Variants in DENND3 observed in about 807,000 individuals in gnomAD.
DENND3 encodes the protein DENN domain containing 3.
In DENND3, 88 loss-of-function variants were observed where a neutral mutation model predicts 135.1. The observed-to-expected ratio is 0.65, with a 90% CI of 0.55 to 0.78. The LOEUF (loss-of-function observed/expected upper bound fraction) is 0.78. DENND3 is among the 30% of genes least tolerant of loss of function. DENND3 has a pLI of 0.00. For missense variants in DENND3, 1,392 were observed against 1,688.4 expected (o/e 0.82, Z 3.08); for synonymous variants, 693 against 712.3 (o/e 0.97, Z 0.43).
intron 1 of DENND3, among the ~76,000 whole-genome samples, chr8:141,129,170 C>T (rs1815599739): frequency 6.6e-6 from 1 of 152,242 alleles, no homozygotes; most frequent in African/African-American, 2.4e-5. Flanking sequence ...TGGGCAGGTG[C>T]TTCTGAAGGT....
chr8:141,183,731 G>GTTTTT (rs1259209795), intron 17 of DENND3, among the ~76,000 whole-genome samples: 1 of 133,868 alleles, frequency 7.5e-6, no homozygotes. Flanking sequence ...TCAGTTTTTT[G>GTTTTT]TTTTGTTTTT....
chr8:141,170,772 G>A (rs1351918155), intron 13 of DENND3, among the ~76,000 whole-genome samples: 1 of 152,252 alleles, frequency 6.6e-6, no homozygotes, highest in Non-Finnish European at 1.5e-5. Context: ...CACATGACAG[G>A]AGTCCAGGGC....
chr8:141,136,401 A>G (rs1037657768), intron 1 of DENND3, 108 bp from the exon 2 acceptor site: 5 of 1,189,158 alleles, frequency 4.2e-6, no homozygotes, highest in Admixed American at 2.8e-5. Context: ...GCCAGTGTTT[A>G]TGGGCACCGA....
chr8:141,185,609 T>C (rs940349067), intron 18 of DENND3, among the ~76,000 whole-genome samples: 4 of 152,026 alleles, frequency 2.6e-5, no homozygotes, highest in African/African-American at 7.2e-5. Flanking sequence ...TGGATTGCCT[T>C]GAGCCCAGGA....
At chr8:141,186,352 C>CAGAG (rs1328980083) in intron 18 of DENND3, among the ~76,000 whole-genome samples, 2 of 152,184 alleles carry the variant, frequency 1.3e-5, no homozygotes, top group Non-Finnish European at 2.9e-5. Flanking sequence ...TGCCAGGTGG[C>CAGAG]AGAGACCAGG....
chr8:141,134,303 TA>T lies in DENND3; in HGVS notation c.103-2205del, dbSNP rs1816503871. Among the ~76,000 whole-genome samples the T allele has an allele frequency of 2.0e-5, 3 of 152,044 alleles. No individual in the cohort carries two copies. The South Asian group carries it at 6.2e-4, about 32-fold the overall frequency. ...TATTTTTTATTTTTTATTTTTATTT[TA>T]TTTTTTTTTTGAGACAGTCTCGCTC... On this transcript the variant is annotated intron_variant, in intron 1 of 22. Transcript: ENST00000519811.
Position 141,167,028 on chromosome 8 carries a change from A to G in DENND3, c.1753+639A>G, listed in dbSNP as rs1820897352. ...GTCTCGGGCCCAGGCAGCAAGTACC[A>G]TGTGGCTCCTCCTGATCACTGTGCT... On this transcript the variant is annotated intron_variant, in intron 12 of 22. Transcript: ENST00000519811. The surrounding 1 kb of genome is among the most constrained non-coding windows in gnomAD (Gnocchi z 4.1). Among the ~76,000 whole-genome samples the G allele has an allele frequency of 6.6e-6, 1 of 152,176 alleles. No individual in the cohort carries two copies. Among genetic ancestry groups the G allele is most frequent in the Non-Finnish European group, 1.5e-5 (1 of 68,016 alleles).
intron 15 of DENND3, 49 bp from the exon 16 acceptor site, chr8:141,178,018 T>G: frequency 6.4e-7 from 1 of 1,567,560 alleles, no homozygotes; most frequent in Non-Finnish European, 8.7e-7. Context: ...TCCGGTGAAC[T>G]GATCTTAGTG....
At position 141,151,935 on chromosome 8, in the gene DENND3, C is replaced by T. The variant is rs553180287; in HGVS notation, c.1074+98C>T. On this transcript the variant is annotated intron_variant, in intron 7 of 22. Transcript: ENST00000519811. ...GTCTGAAAGTGCTCCGCGGTGAAGG[C>T]GGGGTCTGTGTGCCGCAGAGAGGTC... is the stretch of plus-strand genomic sequence containing the variant. The T allele has an allele frequency of 9.9e-5, 143 of 1,444,656 alleles. No homozygotes were observed. In the African/African-American group the frequency reaches 1.4e-3, roughly 14 times the overall value. The allele number at this position is 1,444,656 out of a possible 1,614,324, so 89.5% of individuals were successfully genotyped here.
intron 4 of DENND3, chr8:141,142,690 T>C (rs1817609038): frequency 4.1e-6 from 1 of 243,172 alleles, no homozygotes. Context: ...GCCCAGGAAG[T>C]GACAGAATGC....
chr8:141,174,229 C>T lies in DENND3; in HGVS notation c.2276-971C>T, dbSNP rs553926747. Among the ~76,000 whole-genome samples the T allele has an allele frequency of 3.4e-4, 52 of 152,162 alleles. No homozygotes were observed. The highest frequency in any genetic ancestry group is 1.1e-3 in the African/African-American group (47 of 41,500). ...TGTGGCTGTGGTATACAGAAGCAGC[C>T]CTGAGTGTTAAACATGGGAGCGGGA... is the stretch of plus-strand genomic sequence containing the variant. On this transcript the variant is annotated intron_variant, in intron 13 of 22. Transcript: ENST00000519811. This position sits in a 1 kb window ranked among gnomAD's most constrained non-coding sequence, Gnocchi z 4.6.
intron 11 of DENND3, among the ~76,000 whole-genome samples, 175 bp downstream of exon 11, chr8:141,165,464 C>CT (rs761618969): frequency 0.011 from 1,526 of 139,368 alleles, 18 homozygotes; most frequent in African/African-American, 0.032. Context: ...TCTACTTCTT[C>CT]TTTTTTTTTT....
In DENND3 at chr8:141,175,370, G is replaced by A; in HGVS notation, c.2446G>A (p.Gly816Ser). The A allele has an allele frequency of 6.2e-7, 1 of 1,614,194 alleles. No individual in the cohort carries two copies. The highest frequency in any genetic ancestry group is 8.5e-7 in the Non-Finnish European group (1 of 1,180,032). Residue 816 changes from glycine to serine, a missense_variant, in exon 14 of 23, where the codon GGC (glycine) becomes AGC (serine). Coordinates refer to ENST00000519811, the MANE Select transcript of DENND3 (RefSeq NM_001352890.3). The surrounding 1 kb of genome is among the most constrained non-coding windows in gnomAD (Gnocchi z 5.4). ...SSSVKTNLGV[G>S]KIAMTQKRLF... ...CTCCGTCAAGACAAACCTAGGCGTTGGCAAGATCGCCATGACCCAGAAGCG... is the reference window on the plus strand; with the variant it reads ...CTCCGTCAAGACAAACCTAGGCGTTAGCAAGATCGCCATGACCCAGAAGCG...
At chr8:141,186,162 T>C (rs532431995) in intron 18 of DENND3, among the ~76,000 whole-genome samples, 1 of 152,272 alleles carries the variant, frequency 6.6e-6, no homozygotes, top group East Asian at 1.9e-4. Context: ...GGGAACGATG[T>C]CTTCCATCCT....
chr8:141,177,418 C>T (rs1176732181), intron 15 of DENND3: 1 of 152,756 alleles, frequency 6.5e-6, no homozygotes, highest in Non-Finnish European at 1.5e-5. Context: ...GGGAACAGTT[C>T]ACCAGGTTAT....
At chr8:141,149,767 C>T (rs755851412) in intron 5 of DENND3, among the ~76,000 whole-genome samples, 5 of 152,270 alleles carry the variant, frequency 3.3e-5, no homozygotes, top group Non-Finnish European at 7.3e-5. Flanking sequence ...CCCGCTGGGA[C>T]GCGATTCCTT....
In DENND3 at chr8:141,167,557, C is replaced by A. The variant is rs947819204; in HGVS notation, c.1754-447C>A. ...TCGCTGTGTACCTGGGACAAGTAACCCAGGCTGTGGAAGCCTCGGTTTCCG... is the reference window on the plus strand; with the variant it reads ...TCGCTGTGTACCTGGGACAAGTAACACAGGCTGTGGAAGCCTCGGTTTCCG... On this transcript the variant is annotated intron_variant, in intron 12 of 22. Transcript: ENST00000519811. This position sits in a 1 kb window ranked among gnomAD's most constrained non-coding sequence, Gnocchi z 4.1. Among the ~76,000 whole-genome samples the A allele has an allele frequency of 1.3e-5, 2 of 152,134 alleles. No individual in the cohort carries two copies. The highest frequency in any genetic ancestry group is 4.8e-5 in the African/African-American group (2 of 41,416).
At chr8:141,135,601 G>A (rs1482048418) in intron 1 of DENND3, among the ~76,000 whole-genome samples, 1 of 152,116 alleles carries the variant, frequency 6.6e-6, no homozygotes, top group Non-Finnish European at 1.5e-5. Context: ...CTTCTTGCTC[G>A]CAGACTGCAG....
chr8:141,190,480 G>A, intron 20 of DENND3, 63 bp downstream of exon 20: 1 of 1,501,838 alleles, frequency 6.7e-7, no homozygotes, highest in Non-Finnish European at 8.9e-7. Flanking sequence ...AAAGGATGCT[G>A]AACGAGAGCA....
Sources: gnomAD v4.1 joint callset for allele counts (sites outside exome capture counted in the v4.1 genomes callset) on GRCh38, gnomAD v4.1.1 for gene constraint, Gnocchi (gnomAD v3.1) non-coding constraint, MANE v1.5 for transcripts, NCBI Gene and HGNC (gene_info 2026-07-23, HGNC 2026-07-21) for gene names.